SIVA1: variants seen among roughly 807,000 people sequenced by gnomAD.
The protein encoded by SIVA1 is SIVA1 apoptosis inducing factor.
Under a neutral mutation model 19.7 loss-of-function variants are expected in SIVA1, and 10 were observed. That is an observed-to-expected ratio of 0.51 (90% CI 0.31 to 0.86). The LOEUF is 0.86. Ranked by LOEUF, SIVA1 falls within the 40% of genes least tolerant of loss-of-function variation. The pLI is 0.04. For synonymous variants in SIVA1, 130 were observed against 106.1 expected (o/e 1.23, Z -1.39); for missense variants, 241 against 245.2 (o/e 0.98, Z 0.11).
chr14:104,753,348 C>T (rs1334792920), intron 1 of SIVA1, 29 bp downstream of exon 1: 2 of 1,488,364 alleles, frequency 1.3e-6, no homozygotes, highest in African/African-American at 1.4e-5. Context: ...GCCGAGGGTC[C>T]GCTGCGTCGG....
At chr14:104,755,060 C>T (rs1364154337) in intron 1 of SIVA1, among the ~76,000 whole-genome samples, 1 of 152,222 alleles carries the variant, frequency 6.6e-6, no homozygotes, top group Non-Finnish European at 1.5e-5. Context: ...TGTTCTAGAA[C>T]AAGAGGTCTG....
rs370494449 is a variant in SIVA1, at chr14:104,755,784, C to T, written c.273C>T (p.Asp91=). The change falls in exon 2 of 4, where the codon GAC becomes GAT. Residue 91 remains aspartate (D), a synonymous_variant. Coordinates refer to ENST00000329967, the MANE Select transcript of SIVA1 (RefSeq NM_006427.4). ...GTGGGCAGATGCTGATTGGACCAGA[C>T]GGCCGCCTGATCAGGAGCCTTGGGC... The part of the protein sequence containing the change: ...AARGQMLIGP[D]GRLIRSLGQA... 43 of 1,613,894 alleles carry T rather than the reference C, an allele frequency of 2.7e-5. No individual in the cohort carries two copies. Among genetic ancestry groups the T allele is most frequent in the Admixed American group, 1.8e-4 (11 of 59,998 alleles).
chr14:104,759,452 G>A lies in SIVA1; in HGVS notation c.495G>A (p.Val165=). The A allele has an allele frequency of 6.2e-7, 1 of 1,613,030 alleles. No individual in the cohort carries two copies. Residue 165 remains valine, a synonymous_variant, in exon 4 of 4, where the codon GTG becomes GTA. Coordinates refer to ENST00000329967, the MANE Select transcript of SIVA1 (RefSeq NM_006427.4). The surrounding 1 kb of genome is among the most constrained non-coding windows in gnomAD (Gnocchi z 4.2). ...LVDCSDMYEK[V]LCTSCAMFET is the part of the protein sequence containing the mutation. ...GCTGCAGTGACATGTACGAGAAAGT[G>A]CTGTGCACCAGCTGTGCCATGTTCG...
Position 104,755,739 on chromosome 14 carries a change from A to C in SIVA1, c.228A>C (p.Thr76=). The C allele has an allele frequency of 1.9e-6, 3 of 1,613,964 alleles. No individual in the cohort carries two copies. The highest frequency in any genetic ancestry group is 2.5e-6 in the Non-Finnish European group (3 of 1,179,896). ...CAGAGTCCCCAAAGCCTGGCCCTAC[A>C]GGGGCCCCGAGGGCTGCACGTGGGC... ...HLPESPKPGP[T]GAPRAARGQM... The change falls in exon 2 of 4, where the codon ACA becomes ACC. Residue 76 remains threonine (T), a synonymous_variant. Transcript: ENST00000329967.
chr14:104,755,859 A>T, intron 2 of SIVA1, 35 bp downstream of exon 2: 1 of 1,591,740 alleles, frequency 6.3e-7, no homozygotes, highest in South Asian at 1.1e-5. Context: ...TGGCTGTGGC[A>T]CTGAGGGCAG....
chr14:104,754,018 A>G (rs1891802725), intron 1 of SIVA1: 1 of 297,198 alleles, frequency 3.4e-6, no homozygotes. Context: ...GGCAGAAGCC[A>G]GGCAGCAGGA....
chr14:104,756,409 G>T (rs956166463), intron 2 of SIVA1, 195 bp from the exon 3 acceptor site: 2 of 614,164 alleles, frequency 3.3e-6, no homozygotes, highest in Non-Finnish European at 5.8e-6. Context: ...ATCTCACCTT[G>T]GATCTCTGTA....
At chr14:104,753,911 G>A in intron 1 of SIVA1, 1 of 355,372 alleles carries the variant, frequency 2.8e-6, no homozygotes, top group Non-Finnish European at 6.0e-6. Context: ...GCACCTGCAG[G>A]GATGGCACGG....
rs200065076 is a variant in SIVA1 at position 104,756,481 on chromosome 14, GTGGGGA to G, written c.314-117_314-112del. 1,053 of 1,060,552 alleles carry G rather than the reference GTGGGGA, an allele frequency of 9.9e-4. 10 individuals carry two copies. In the East Asian group the frequency reaches 0.024, roughly 24 times the overall value. The allele number at this position is 1,060,552 out of a possible 1,614,324, so 65.7% of individuals were successfully genotyped here. ...GGGTTGTCAGAAGGATCCAGTGTAGGTGGGGATGGGGTAGGCAGGTCAGAGCCCTCT... is the reference window on the plus strand; with the variant it reads ...GGGTTGTCAGAAGGATCCAGTGTAGGTGGGGTAGGCAGGTCAGAGCCCTCT... On this transcript the variant is annotated intron_variant, in intron 2 of 3. Coordinates refer to ENST00000329967, the MANE Select transcript of SIVA1 (RefSeq NM_006427.4).
At chr14:104,756,083 GC>G in intron 2 of SIVA1, 1 of 614,622 alleles carries the variant, frequency 1.6e-6, no homozygotes, top group Non-Finnish European at 3.0e-6. Flanking sequence ...TCCGCCTGCA[GC>G]CCCCTCAGAT....
chr14:104,754,871 C>T (rs1290795104), intron 1 of SIVA1, among the ~76,000 whole-genome samples: 1 of 152,150 alleles, frequency 6.6e-6, no homozygotes, highest in Non-Finnish European at 1.5e-5. Flanking sequence ...TTATTGCTGC[C>T]CACTTCATGT....
chr14:104,754,154 C>T (rs929740805), intron 1 of SIVA1, among the ~76,000 whole-genome samples: 1 of 152,146 alleles, frequency 6.6e-6, no homozygotes, highest in Admixed American at 6.5e-5. Context: ...TTGATCATCA[C>T]TCTGACTGGG....
chr14:104,759,196 T>C lies in SIVA1; in HGVS notation c.471-232T>C. ...CTGTATCTTCATGTCGTCTTCCTTC[T>C]CTGTGTCCTTCTCTTCACGTAGTCT... On this transcript the variant is annotated intron_variant, in intron 3 of 3. Transcript: ENST00000329967. This position sits in a 1 kb window ranked among gnomAD's most constrained non-coding sequence, Gnocchi z 4.2. 2.3e-6 allele frequency: 1 copy of C among 426,514 alleles called. No homozygotes were observed. Among genetic ancestry groups the C allele is most frequent in the South Asian group, 4.4e-5 (1 of 22,896 alleles). The allele number at this position is 426,514 out of a possible 1,614,324, so 26.4% of individuals were successfully genotyped here.
chr14:104,755,909 C>A, intron 2 of SIVA1, 85 bp downstream of exon 2: 2 of 1,295,026 alleles, frequency 1.5e-6, no homozygotes, highest in Non-Finnish European at 2.2e-6. Context: ...CAAGGTCAGG[C>A]TTTTCCTCCC....
At chr14:104,757,429 G>C (rs1373415288) in intron 3 of SIVA1, 1 of 275,270 alleles carries the variant, frequency 3.6e-6, no homozygotes, top group African/African-American at 2.3e-5. Context: ...ATCTAAAATA[G>C]AAACCACATG....
At chr14:104,756,554 G>A in intron 2 of SIVA1, 50 bp from the exon 3 acceptor site, 1 of 1,611,682 alleles carries the variant, frequency 6.2e-7, no homozygotes, top group Non-Finnish European at 8.5e-7. Context: ...GGCAGTCCCG[G>A]AAACTCCAGT....
At position 104,759,119 on chromosome 14, in the gene SIVA1, C is replaced by T. The variant is rs544509030; in HGVS notation, c.471-309C>T. Reference sequence around the variant, plus strand: ...ATGGAAAACCTGTCCTGGCCTCTCTCCTGGCATCTGCTGGTTATCTTTGGT... The same window carrying T: ...ATGGAAAACCTGTCCTGGCCTCTCTTCTGGCATCTGCTGGTTATCTTTGGT... On this transcript the variant is annotated intron_variant, in intron 3 of 3. Transcript: ENST00000329967. The surrounding 1 kb of genome is among the most constrained non-coding windows in gnomAD (Gnocchi z 4.2). The T allele has an allele frequency of 2.4e-5, 6 of 246,780 alleles. No individual in the cohort carries two copies. Among genetic ancestry groups the T allele is most frequent in the Admixed American group, 2.2e-4 (4 of 18,052 alleles). The allele number at this position is 246,780 out of a possible 1,614,324, so 15.3% of individuals were successfully genotyped here.
intron 3 of SIVA1, chr14:104,757,235 G>A (rs117764123): frequency 5.9e-4 from 237 of 399,252 alleles, no homozygotes; most frequent in Admixed American, 8.7e-4. Context: ...GCTGGATCCC[G>A]TCCTTACTCC....
chr14:104,753,747 G>A (rs936592046), intron 1 of SIVA1: 1 of 452,888 alleles, frequency 2.2e-6, no homozygotes, highest in African/African-American at 2.0e-5. Flanking sequence ...TATTCATGGA[G>A]CGCGCGGCCC....
Sources: allele counts gnomAD v4.1 joint callset (sites outside exome capture counted in the v4.1 genomes callset), GRCh38; gene constraint gnomAD v4.1.1; non-coding constraint Gnocchi (gnomAD v3.1); transcripts MANE v1.5; gene names NCBI Gene and HGNC (gene_info 2026-07-23, HGNC 2026-07-21).